The following SLC38A4 variants were observed in gnomAD, a reference collection of about 807,000 sequenced individuals.
SLC38A4 encodes sodium-coupled neutral amino acid transporter 4.
A neutral mutation model predicts 63.1 loss-of-function variants in SLC38A4; 20 were observed. That is an observed-to-expected ratio of 0.32 (90% CI 0.22 to 0.46). The LOEUF (loss-of-function observed/expected upper bound fraction) is 0.46. Among genes scored for constraint, SLC38A4 ranks in the 20% least tolerant of loss-of-function variants. The pLI is 1.00. For missense variants in SLC38A4, 526 were observed against 663.6 expected, an observed-to-expected ratio of 0.79 and a Z score of 2.28; for synonymous variants, 230 against 225.5, an observed-to-expected ratio of 1.02 and a Z score of -0.18.
chr12:46,775,030 C>T lies in SLC38A4; in HGVS notation c.1299+19G>A, dbSNP rs1302169359. On this transcript the variant is annotated intron_variant, in intron 14 of 16. Coordinates refer to ENST00000266579, the MANE Select transcript of SLC38A4 (RefSeq NM_018018.5). ...ATGGGGTCAAGTAGGTTTCTTTCAT[C>T]AAAGTCTTATGTACTTACTGGGAAG... is the stretch of plus-strand genomic sequence containing the variant. 4 of 1,608,458 alleles carry T rather than the reference C, an allele frequency of 2.5e-6. No homozygotes were observed. Among genetic ancestry groups the T allele is most frequent in the Non-Finnish European group, 2.5e-6 (3 of 1,177,304 alleles).
chr12:46,811,334 AG>A (rs1195252699), intron 1 of SLC38A4, among the ~76,000 whole-genome samples: 1 of 152,002 alleles, frequency 6.6e-6, no homozygotes, highest in African/African-American at 2.4e-5. Flanking sequence ...TCAACTTGAA[AG>A]GGGCAGAGAA....
Position 46,778,690 on chromosome 12 carries a change from T to C in SLC38A4, c.804A>G (p.Pro268=). The change falls in exon 11 of 17, where the codon CCA becomes CCG. Residue 268 remains proline, a synonymous_variant. Transcript: ENST00000266579. ...VGNLSFNNTL[P]MHVVMLPNNS... ...TGTTGGGTAACATTACCACATGCAT[T>C]GGAAGCGTGTTGTTGAATGACAGAT... The C allele has an allele frequency of 1.2e-6, 2 of 1,612,898 alleles. No homozygotes were observed. The highest frequency in any genetic ancestry group is 2.2e-5 in the South Asian group (2 of 91,056).
intron 2 of SLC38A4, among the ~76,000 whole-genome samples, chr12:46,797,133 T>C (rs1017960292): frequency 2.0e-5 from 3 of 152,148 alleles, no homozygotes; most frequent in African/African-American, 7.2e-5. Context: ...GCCCCATTCT[T>C]CCAGTCCACT....
intron 1 of SLC38A4, among the ~76,000 whole-genome samples, chr12:46,819,267 T>C (rs1939496855): frequency 6.6e-6 from 1 of 151,680 alleles, no homozygotes; most frequent in Non-Finnish European, 1.5e-5. Flanking sequence ...GAGAACCCTG[T>C]TTGGATTCTG....
At chr12:46,831,521 C>T (rs1218989150) in intron 1 of SLC38A4, among the ~76,000 whole-genome samples, 1 of 152,252 alleles carries the variant, frequency 6.6e-6, no homozygotes, top group African/African-American at 2.4e-5. Flanking sequence ...CCGGGCAATC[C>T]GACCGCGCGG....
At chr12:46,805,117 G>T (rs1490511867) in intron 1 of SLC38A4, among the ~76,000 whole-genome samples, 1 of 151,828 alleles carries the variant, frequency 6.6e-6, no homozygotes, top group Non-Finnish European at 1.5e-5. Context: ...ATTTAAAATC[G>T]GGTGGAGATA....
intron 2 of SLC38A4, among the ~76,000 whole-genome samples, chr12:46,794,006 T>G (rs1191557175): frequency 6.6e-6 from 1 of 152,126 alleles, no homozygotes; most frequent in East Asian, 1.9e-4. Flanking sequence ...TTGATATAAT[T>G]TCTTCTGAAA....
intron 2 of SLC38A4, among the ~76,000 whole-genome samples, chr12:46,798,943 G>A (rs189562179): frequency 1.0e-3 from 157 of 152,214 alleles, no homozygotes; most frequent in Non-Finnish European, 1.4e-3. Flanking sequence ...GGCAGTAAGC[G>A]AAACTGGGTA....
chr12:46,829,477 A>G (rs1045958826), upstream of SLC38A4, among the ~76,000 whole-genome samples: 50 of 152,258 alleles, frequency 3.3e-4, no homozygotes, highest in African/African-American at 1.1e-3. Flanking sequence ...TAAGGTTCTA[A>G]AAATAGGATA....
chr12:46,774,528 C>T (rs577733489), intron 14 of SLC38A4, among the ~76,000 whole-genome samples: 18 of 152,112 alleles, frequency 1.2e-4, no homozygotes, highest in African/African-American at 4.3e-4. Context: ...TGATAGATAG[C>T]ATAACTGTTT....
At position 46,768,449 on chromosome 12, in the gene SLC38A4, C is replaced by A. The variant is rs373112954; in HGVS notation, c.1445-42G>T. 8.4e-6 allele frequency: 12 copies of A among 1,435,618 alleles called. No homozygotes were observed. The African/African-American group carries it at 1.1e-4, about 14-fold the overall frequency. 88.9% of individuals were successfully genotyped at this position (1,435,618 alleles called of 1,614,324 possible). A position where few individuals can be genotyped will look rare whatever the true frequency, so the allele number is the denominator to read the frequency against. On this transcript the variant is annotated intron_variant, in intron 15 of 16. Transcript: ENST00000266579. ...AGGGCAAGGTCAATGTCTTACCCAG[C>A]AGTTCCTAGCAAAGGAGATGCCAGC...
intron 14 of SLC38A4, among the ~76,000 whole-genome samples, chr12:46,770,020 A>G (rs1292332849): frequency 6.6e-6 from 1 of 152,034 alleles, no homozygotes; most frequent in Admixed American, 6.6e-5. Context: ...ATGGAGTGTC[A>G]TTTTTTCCTT....
At chr12:46,815,437 C>CTTTTTTA (rs1369108059) in intron 1 of SLC38A4, among the ~76,000 whole-genome samples, 2 of 151,110 alleles carry the variant, frequency 1.3e-5, no homozygotes, top group Non-Finnish European at 3.0e-5. Context: ...CCCTTTCTTC[C>CTTTTTTA]TTTTTTATTT....
At chr12:46,811,852 G>C (rs1939344915) in intron 1 of SLC38A4, among the ~76,000 whole-genome samples, 1 of 150,316 alleles carries the variant, frequency 6.7e-6, no homozygotes, top group Non-Finnish European at 1.5e-5. Context: ...GAAGTATTTT[G>C]CTTCAAATGA....
At chr12:46,801,789 A>G (rs1939136631) in intron 2 of SLC38A4, among the ~76,000 whole-genome samples, 1 of 152,080 alleles carries the variant, frequency 6.6e-6, no homozygotes, top group Non-Finnish European at 1.5e-5. Context: ...CATTCTTGTC[A>G]TATTTTGTCA....
chr12:46,770,312 T>C (rs1237734896), intron 14 of SLC38A4, among the ~76,000 whole-genome samples: 1 of 143,630 alleles, frequency 7.0e-6, no homozygotes, highest in Non-Finnish European at 1.6e-5. Context: ...TTTAAAATGG[T>C]ATTTTAAAAT....
chr12:46,788,953 G>A (rs1215744219), intron 3 of SLC38A4, among the ~76,000 whole-genome samples: 1 of 152,166 alleles, frequency 6.6e-6, no homozygotes, highest in Non-Finnish European at 1.5e-5. Flanking sequence ...CAAAGAAAGA[G>A]TACAGGGTTA....
Position 46,793,114 on chromosome 12 carries a change from G to A in SLC38A4, c.-43C>T. 2 of 1,392,378 alleles carry A rather than the reference G, an allele frequency of 1.4e-6. No homozygotes were observed. Among genetic ancestry groups the A allele is most frequent in the Non-Finnish European group, 1.0e-6 (1 of 980,372 alleles). 86.3% of individuals were successfully genotyped at this position (1,392,378 alleles called of 1,614,324 possible). ...TCTTGTCCACACACAAGCCCCTTCA[G>A]TGTAAATAATATACTGTACCTTCAG... On this transcript the variant is annotated 5_prime_UTR_variant, in exon 3 of 17. Coordinates refer to ENST00000266579, the MANE Select transcript of SLC38A4 (RefSeq NM_018018.5).
At chr12:46,815,754 A>T (rs1187389271) in intron 1 of SLC38A4, among the ~76,000 whole-genome samples, 1 of 151,950 alleles carries the variant, frequency 6.6e-6, no homozygotes, top group Non-Finnish European at 1.5e-5. Flanking sequence ...TAAAAATCAG[A>T]TGACAAATTT....
Sources: gnomAD v4.1 joint callset for allele counts (sites outside exome capture counted in the v4.1 genomes callset) on GRCh38, gnomAD v4.1.1 for gene constraint, MANE v1.5 for transcripts, NCBI Gene and HGNC (gene_info 2026-07-23, HGNC 2026-07-21) for gene names.